Variants in INPP5B observed in about 807,000 individuals in gnomAD.
INPP5B encodes the protein type II inositol 1,4,5-trisphosphate 5-phosphatase.
In INPP5B, 90 loss-of-function variants were observed where a neutral mutation model predicts 118.5. The ratio of observed to expected loss-of-function variants is 0.76; its 90% CI spans 0.64 to 0.90. The LOEUF is 0.90. Among genes scored for constraint, INPP5B ranks in the 40% least tolerant of loss-of-function variants. The pLI is 0.00. For missense variants in INPP5B, 984 were observed against 1,125.6 expected, an observed-to-expected ratio of 0.87 and a Z score of 1.80; for synonymous variants, 385 against 418.9, an observed-to-expected ratio of 0.92 and a Z score of 0.99.
chr1:37,923,163 T>C (rs1040128426), intron 7 of INPP5B, among the ~76,000 whole-genome samples: 15 of 152,160 alleles, frequency 9.9e-5, no homozygotes, highest in African/African-American at 3.6e-4. Context: ...AGACATTTTT[T>C]GAGCACCTAC....
At chr1:37,945,937 C>A (rs1010464973) in intron 2 of INPP5B, 87 bp from the exon 3 acceptor site, 2 of 1,245,628 alleles carry the variant, frequency 1.6e-6, no homozygotes, top group Non-Finnish European at 2.3e-6. Context: ...TCCCCTGCCC[C>A]CCCAGATTCA....
intron 4 of INPP5B, 48 bp from the exon 5 acceptor site, chr1:37,943,717 C>T (rs1364262613): frequency 6.2e-7 from 1 of 1,612,974 alleles, no homozygotes; most frequent in Admixed American, 1.7e-5. Flanking sequence ...GCTTACTCCC[C>T]CTTGCCCCCC....
intron 16 of INPP5B, among the ~76,000 whole-genome samples, chr1:37,877,042 GA>G (rs1642875949): frequency 6.6e-6 from 1 of 152,004 alleles, no homozygotes; most frequent in Non-Finnish European, 1.5e-5. Flanking sequence ...CAGCCTGGGT[GA>G]CAGAACAAAA....
At chr1:37,869,379 A>C (rs1205464775) in intron 19 of INPP5B, among the ~76,000 whole-genome samples, 2 of 151,638 alleles carry the variant, frequency 1.3e-5, no homozygotes. Context: ...ACTTGGACTC[A>C]AGTGATCTAC....
intron 17 of INPP5B, among the ~76,000 whole-genome samples, chr1:37,874,490 A>G (rs1473394038): frequency 6.6e-6 from 1 of 152,216 alleles, no homozygotes; most frequent in East Asian, 1.9e-4. Flanking sequence ...GTAGCTGGAC[A>G]TCTAGGGCAT....
chr1:37,874,290 C>G, intron 17 of INPP5B, 135 bp from the exon 18 acceptor site: 1 of 572,270 alleles, frequency 1.7e-6, no homozygotes, highest in Non-Finnish European at 2.8e-6. Context: ...TAAGTATCTA[C>G]CTGGGAGGCC....
chr1:37,917,507 A>G (rs1292295422), intron 7 of INPP5B, among the ~76,000 whole-genome samples: 1 of 151,084 alleles, frequency 6.6e-6, no homozygotes, highest in Non-Finnish European at 1.5e-5. Context: ...TATTTTCAGT[A>G]GAGACATGGT....
intron 18 of INPP5B, 171 bp from the exon 19 acceptor site, chr1:37,873,336 A>C: frequency 3.4e-6 from 2 of 596,298 alleles, no homozygotes; most frequent in Non-Finnish European, 5.9e-6. Flanking sequence ...ACAAGAACAA[A>C]GAGTTTATAG....
At chr1:37,931,861 T>C (rs1557716310) in intron 7 of INPP5B, 52 bp downstream of exon 7, 36 of 1,612,110 alleles carry the variant, frequency 2.2e-5, no homozygotes, top group Non-Finnish European at 3.1e-5. Flanking sequence ...GCCCGCCCCC[T>C]GTGGCCGGGC....
At chr1:37,896,421 T>TG (rs1197275132) in intron 7 of INPP5B, among the ~76,000 whole-genome samples, 9 of 138,682 alleles carry the variant, frequency 6.5e-5, no homozygotes, top group East Asian at 2.2e-4. Flanking sequence ...GGGAGGGAGG[T>TG]GGGGGGGTCA....
chr1:37,921,675 T>G (rs1645059278), intron 7 of INPP5B, among the ~76,000 whole-genome samples: 1 of 151,922 alleles, frequency 6.6e-6, no homozygotes, highest in African/African-American at 2.4e-5. Context: ...GGTGAAACCC[T>G]GTCTCTACTA....
intron 6 of INPP5B, among the ~76,000 whole-genome samples, chr1:37,936,254 G>A (rs1645685925): frequency 6.6e-6 from 1 of 151,902 alleles, no homozygotes; most frequent in Non-Finnish European, 1.5e-5. Context: ...CCTTCCCTCC[G>A]ACTGCCAAGC....
rs35639791 is a variant in INPP5B, at chr1:37,868,312, C to CA, written c.2301+188dup. On this transcript the variant is annotated intron_variant, in intron 20 of 23. Coordinates refer to ENST00000373024, the MANE Select transcript of INPP5B (RefSeq NM_005540.3). ...TGGGCAACAGAATAAAACTCTGTCT[C>CA]AAAAAAAAAAAAAAAAAAAAATAGC... Among the ~76,000 whole-genome samples the CA allele has an allele frequency of 0.31, 25,692 of 82,794 alleles. 3,219 individuals are homozygous for CA. Among genetic ancestry groups the CA allele is most frequent in the Admixed American group, 0.34 (2,533 of 7,518 alleles). The allele number at this position is 82,794 out of a possible 152,430, so 54.3% of individuals were successfully genotyped here.
intron 7 of INPP5B, among the ~76,000 whole-genome samples, chr1:37,893,085 C>CTTTTTTTTTTTTTTTTTTTTTTTTT (rs71053999): frequency 1.2e-5 from 1 of 81,436 alleles, no homozygotes; most frequent in African/African-American, 6.0e-5. Flanking sequence ...TTTTCTTTTT[C>CTTTTTTTTTTTTTTTTTTTTTTTTT]TTTTTTTTTT....
rs756916618 is a variant in INPP5B at position 37,931,887 on chromosome 1, C to T, written c.532+26G>A. On this transcript the variant is annotated intron_variant, in intron 7 of 23. Transcript: ENST00000373024. ...GTGGCCGGGCCTCCTCCAATCCCCACCGTTTCTTCCGGGACGGATACCTGC... is the reference window on the plus strand; with the variant it reads ...GTGGCCGGGCCTCCTCCAATCCCCATCGTTTCTTCCGGGACGGATACCTGC... The T allele has an allele frequency of 1.9e-6, 3 of 1,613,886 alleles. No individual in the cohort carries two copies. The Admixed American group carries it at 5.0e-5, about 27-fold the overall frequency.
intron 7 of INPP5B, among the ~76,000 whole-genome samples, chr1:37,900,402 G>T (rs934453823): frequency 6.6e-6 from 1 of 150,752 alleles, no homozygotes; most frequent in Admixed American, 6.6e-5. Context: ...TTACAGGCAC[G>T]TGCCACCACA....
At position 37,943,619 on chromosome 1, in the gene INPP5B, C is replaced by T; in HGVS notation, c.280+21G>A. 3 of 1,613,752 alleles carry T rather than the reference C, an allele frequency of 1.9e-6. No homozygotes were observed. In the South Asian group the frequency reaches 3.3e-5, roughly 18 times the overall value. ...AGGCACCCCTGCCCCGAGTGGGACC[C>T]AGACCAAGAGGACCACTCACCAAGG... On this transcript the variant is annotated intron_variant, in intron 5 of 23. Coordinates refer to ENST00000373024, the MANE Select transcript of INPP5B (RefSeq NM_005540.3).
At chr1:37,939,676 C>G (rs1417339020) in intron 6 of INPP5B, among the ~76,000 whole-genome samples, 2 of 151,468 alleles carry the variant, frequency 1.3e-5, no homozygotes, top group Non-Finnish European at 3.0e-5. Flanking sequence ...ATCTCCTGAC[C>G]TGGTGATCCA....
At position 37,878,251 on chromosome 1, in the gene INPP5B, G is replaced by A. The variant is rs866839782; in HGVS notation, c.1614C>T (p.Tyr538=). The A allele has an allele frequency of 1.2e-6, 2 of 1,614,132 alleles. No individual in the cohort carries two copies. The highest frequency in any genetic ancestry group is 1.1e-5 in the South Asian group (1 of 91,086). ...TGGTCTTCAGGGCCATGTGGCTCTGGTAACTCAGCTGAGTGATGTTCTTCC... is the reference window on the plus strand; with the variant it reads ...TGGTCTTCAGGGCCATGTGGCTCTGATAACTCAGCTGAGTGATGTTCTTCC... ...WKGKNITQLS[Y]QSHMALKTSD... Residue 538 remains tyrosine (Y), a synonymous_variant, in exon 16 of 24, where the codon TAC becomes TAT. Transcript: ENST00000373024.
Sources: gnomAD v4.1 joint callset for allele counts (sites outside exome capture counted in the v4.1 genomes callset) on GRCh38, gnomAD v4.1.1 for gene constraint, MANE v1.5 for transcripts, NCBI Gene and HGNC (gene_info 2026-07-23, HGNC 2026-07-21) for gene names.